Variants in PTPRD observed in about 807,000 individuals in gnomAD.
PTPRD encodes the protein receptor-type tyrosine-protein phosphatase delta.
A neutral mutation model predicts 214.5 loss-of-function variants in PTPRD; 34 were observed. That is an observed-to-expected ratio of 0.16 (90% confidence interval 0.12 to 0.21). The LOEUF (loss-of-function observed/expected upper bound fraction) is 0.21, where lower values mean the gene tolerates loss of function less well. Among genes scored for constraint, PTPRD ranks in the 10% least tolerant of loss-of-function variants. The probability of loss-of-function intolerance (pLI) is 1.00; values close to 1 mark genes in which losing one functional copy is unlikely to be tolerated. For synonymous variants in PTPRD, 1,128 were observed against 845.7 expected, an observed-to-expected ratio of 1.33 and a Z score of -5.79; for missense variants, 2,545 against 2,398.7, an observed-to-expected ratio of 1.06 and a Z score of -1.27.
chr9:10,551,791 G>T (rs1448745008), intron 2 of PTPRD, among the ~76,000 whole-genome samples: 1 of 152,076 alleles, frequency 6.6e-6, no homozygotes, highest in Non-Finnish European at 1.5e-5. Flanking sequence ...GGCTTTGGCA[G>T]GATCCAAGCT....
intron 11 of PTPRD, among the ~76,000 whole-genome samples, chr9:8,810,560 C>G (rs1214539508): frequency 2.0e-5 from 3 of 152,168 alleles, no homozygotes; most frequent in Non-Finnish European, 2.9e-5. Flanking sequence ...CAATCAGTTT[C>G]TCTTGATTGG....
intron 5 of PTPRD, among the ~76,000 whole-genome samples, chr9:9,830,102 T>C (rs1347891090): frequency 2.0e-5 from 3 of 151,724 alleles, no homozygotes; most frequent in African/African-American, 7.2e-5. Context: ...AATATTGTTT[T>C]ATAATTTTAT....
chr9:9,236,190 C>G (rs1056374603), intron 9 of PTPRD, among the ~76,000 whole-genome samples: 6 of 151,988 alleles, frequency 3.9e-5, no homozygotes, highest in Admixed American at 6.6e-5. Context: ...GAGGTGGAGG[C>G]TGCAGTGAGC....
At chr9:8,459,460 G>C (rs748945268) in intron 33 of PTPRD, among the ~76,000 whole-genome samples, 10 of 151,942 alleles carry the variant, frequency 6.6e-5, no homozygotes, top group Non-Finnish European at 1.2e-4. Context: ...AAGTAATTTT[G>C]AATTTAGTCA....
chr9:9,097,414 T>C (rs1054396992), intron 10 of PTPRD, among the ~76,000 whole-genome samples: 6 of 150,806 alleles, frequency 4.0e-5, no homozygotes, highest in African/African-American at 4.9e-5. Flanking sequence ...TTTTTTTTTT[T>C]TCTTTTTCTT....
chr9:10,251,071 T>G (rs1814010832), intron 3 of PTPRD, among the ~76,000 whole-genome samples: 1 of 152,106 alleles, frequency 6.6e-6, no homozygotes, highest in Non-Finnish European at 1.5e-5. Context: ...TTGAACAAGA[T>G]GAAGTTTAGT....
intron 7 of PTPRD, among the ~76,000 whole-genome samples, chr9:9,709,456 A>G (rs1374255193): frequency 6.6e-6 from 1 of 152,052 alleles, no homozygotes; most frequent in Non-Finnish European, 1.5e-5. Context: ...GTAGTAAACT[A>G]TAGACCTGAA....
rs549783828 is a variant in PTPRD at position 8,483,602 on chromosome 9, A to T, written c.3413+517T>A. Among the ~76,000 whole-genome samples, 35 of 152,296 alleles carry T rather than the reference A, an allele frequency of 2.3e-4. No individual in the cohort carries two copies. In the South Asian group the frequency reaches 7.0e-3, roughly 31 times the overall value. Reference sequence around the variant, plus strand: ...CCGGTCTCTACTAAAAATACAAAAAATTAGCCAGACATGGCGACAGGTGCC... The same window carrying T: ...CCGGTCTCTACTAAAAATACAAAAATTTAGCCAGACATGGCGACAGGTGCC... On this transcript the variant is annotated intron_variant, in intron 30 of 45. Coordinates refer to ENST00000381196, the MANE Select transcript of PTPRD (RefSeq NM_002839.4).
At chr9:9,054,512 G>A (rs892037342) in intron 10 of PTPRD, among the ~76,000 whole-genome samples, 2 of 152,094 alleles carry the variant, frequency 1.3e-5, no homozygotes, top group African/African-American at 2.4e-5. Context: ...GACTTGCTAA[G>A]GTCAAGCCTC....
At chr9:9,003,661 G>C (rs377285698) in intron 11 of PTPRD, among the ~76,000 whole-genome samples, 3 of 152,032 alleles carry the variant, frequency 2.0e-5, no homozygotes, top group Non-Finnish European at 4.4e-5. Flanking sequence ...GACAGGCTGA[G>C]CTGGGCTTTG....
chr9:10,105,056 C>T (rs566101146), intron 3 of PTPRD, among the ~76,000 whole-genome samples: 2 of 151,852 alleles, frequency 1.3e-5, no homozygotes, highest in Non-Finnish European at 2.9e-5. Context: ...TCCTTTGGGA[C>T]ATCTTTCCTG....
intron 5 of PTPRD, among the ~76,000 whole-genome samples, chr9:9,889,045 T>A (rs2072148370): frequency 6.6e-6 from 1 of 152,144 alleles, no homozygotes; most frequent in African/African-American, 2.4e-5. Flanking sequence ...ATGATCTCAC[T>A]CATATGTGGA....
intron 5 of PTPRD, among the ~76,000 whole-genome samples, chr9:9,860,509 A>G (rs534625888): frequency 6.6e-6 from 1 of 152,206 alleles, no homozygotes; most frequent in Non-Finnish European, 1.5e-5. Flanking sequence ...GCAATATTTT[A>G]CTGATCTTTC....
intron 4 of PTPRD, among the ~76,000 whole-genome samples, chr9:9,975,952 A>G (rs986535189): frequency 8.5e-5 from 13 of 152,196 alleles, no homozygotes; most frequent in Admixed American, 5.2e-4. Context: ...TAAGTGAACT[A>G]GACCTGAAAA....
intron 4 of PTPRD, among the ~76,000 whole-genome samples, chr9:9,949,552 C>T (rs2093214324): frequency 6.6e-6 from 1 of 152,066 alleles, no homozygotes; most frequent in Admixed American, 6.6e-5. Flanking sequence ...AGGGATAATG[C>T]TACTCACATA....
intron 8 of PTPRD, among the ~76,000 whole-genome samples, chr9:9,544,586 C>T (rs929517513): frequency 6.6e-6 from 1 of 151,654 alleles, no homozygotes; most frequent in Non-Finnish European, 1.5e-5. Flanking sequence ...CAAAGAACAT[C>T]AGTCACCTGA....
chr9:9,243,245 T>C (rs923668446), intron 9 of PTPRD, among the ~76,000 whole-genome samples: 1 of 152,136 alleles, frequency 6.6e-6, no homozygotes, highest in Non-Finnish European at 1.5e-5. Context: ...CTTCTGAAAC[T>C]ATTACAATCA....
At chr9:9,607,412 C>G (rs577733530) in intron 7 of PTPRD, among the ~76,000 whole-genome samples, 76 of 152,232 alleles carry the variant, frequency 5.0e-4, no homozygotes, top group African/African-American at 1.8e-3. Context: ...ATTCTCACAA[C>G]AAGCTGAAGA....
chr9:8,929,953 GTA>G (rs1209645941), intron 11 of PTPRD, among the ~76,000 whole-genome samples: 7 of 148,114 alleles, frequency 4.7e-5, no homozygotes, highest in South Asian at 2.1e-4. Flanking sequence ...GTGTGTGTGT[GTA>G]TATATATATA....
Sources: gnomAD v4.1 joint callset for allele counts (sites outside exome capture counted in the v4.1 genomes callset) on GRCh38, gnomAD v4.1.1 for gene constraint, MANE v1.5 for transcripts, NCBI Gene and HGNC (gene_info 2026-07-23, HGNC 2026-07-21) for gene names.